PDE1C: variants seen among roughly 807,000 people sequenced by gnomAD.
PDE1C encodes dual specificity calcium/calmodulin-dependent 3',5'-cyclic nucleotide phosphodiesterase 1C.
Under a neutral mutation model 93.1 loss-of-function variants are expected in PDE1C, and 62 were observed. The observed-to-expected ratio is 0.67, with a 90% CI of 0.54 to 0.82. The LOEUF (loss-of-function observed/expected upper bound fraction) is 0.82, where lower values mean the gene tolerates loss of function less well. PDE1C is among the 40% of genes least tolerant of loss of function. The probability of loss-of-function intolerance (pLI) is 0.00; values close to 1 mark genes in which losing one functional copy is unlikely to be tolerated. For missense variants in PDE1C, 742 were observed against 884.6 expected (o/e 0.84, Z 2.04); for synonymous variants, 325 against 310.1 (o/e 1.05, Z -0.50).
At chr7:32,391,006 A>G (rs1261777958) in intron 1 of PDE1C, among the ~76,000 whole-genome samples, 1 of 152,194 alleles carries the variant, frequency 6.6e-6, no homozygotes, top group Non-Finnish European at 1.5e-5. Flanking sequence ...GAAAACAAAT[A>G]GCAAAAATGG....
intron 2 of PDE1C, among the ~76,000 whole-genome samples, chr7:31,961,135 A>G (rs908884332): frequency 6.6e-6 from 1 of 152,168 alleles, no homozygotes; most frequent in Non-Finnish European, 1.5e-5. Flanking sequence ...GCTACAATTA[A>G]TCTAGCTTAG....
At chr7:32,141,894 A>G (rs1800555225) in intron 3 of PDE1C, among the ~76,000 whole-genome samples, 1 of 152,204 alleles carries the variant, frequency 6.6e-6, no homozygotes, top group African/African-American at 2.4e-5. Flanking sequence ...TTGTCTTTGC[A>G]ACTTCTCTGG....
At chr7:31,713,365 G>T in the PDE1C span, among the ~76,000 whole-genome samples, 1 of 152,244 alleles carries the variant, frequency 6.6e-6, no homozygotes, top group Admixed American at 6.5e-5. Context: ...TGCAAGAGGT[G>T]GGCTCCCATG....
At chr7:32,344,827 C>T (rs1456597089) in intron 1 of PDE1C, among the ~76,000 whole-genome samples, 1 of 152,124 alleles carries the variant, frequency 6.6e-6, no homozygotes, top group Non-Finnish European at 1.5e-5. Flanking sequence ...ATTGATGCAT[C>T]CACAAGGCCT....
At chr7:32,070,842 G>A (rs1466516753), upstream of PDE1C, 1 of 986,740 alleles carries the variant, frequency 1.0e-6, no homozygotes, top group Non-Finnish European at 1.2e-6. Flanking sequence ...GAAAAGCGGC[G>A]GCTGAGCAAA....
chr7:31,864,833 A>G, intron 7 of PDE1C, 109 bp downstream of exon 7: 2 of 1,042,444 alleles, frequency 1.9e-6, no homozygotes, highest in African/African-American at 3.2e-5. Context: ...GGAAGTCCAT[A>G]AAACAATGCA....
the PDE1C span, among the ~76,000 whole-genome samples, chr7:31,631,280 A>G: frequency 6.6e-6 from 1 of 152,242 alleles, no homozygotes; most frequent in East Asian, 1.9e-4. Context: ...TCACAAACAC[A>G]TATGCGTGCG....
At position 32,100,595 on chromosome 7, in the gene PDE1C, C is replaced by T. The variant is rs370371616; in HGVS notation, c.308+69190G>A. ...AACATTGATCAGCCTTCCCCTTTAA[C>T]TTAGACTGACTCATTCATAACCCAC... On this transcript the variant is annotated intron_variant, in intron 3 of 18. Transcript: ENST00000396193. Among the ~76,000 whole-genome samples the T allele has an allele frequency of 9.8e-4, 149 of 152,338 alleles. 1 individual carries two copies. The highest frequency in any genetic ancestry group is 3.5e-3 in the African/African-American group (145 of 41,582).
At chr7:32,247,063 CAGA>C (rs1321187585) in intron 1 of PDE1C, among the ~76,000 whole-genome samples, 3 of 152,126 alleles carry the variant, frequency 2.0e-5, no homozygotes, top group African/African-American at 7.2e-5. Flanking sequence ...TGTGGAAATC[CAGA>C]AGGAGTGAAT....
intron 3 of PDE1C, among the ~76,000 whole-genome samples, chr7:32,092,878 C>G (rs532054186): frequency 3.3e-5 from 5 of 151,842 alleles, no homozygotes; most frequent in African/African-American, 1.2e-4. Context: ...AGCATTATTA[C>G]TTTTTTTTTC....
intron 2 of PDE1C, among the ~76,000 whole-genome samples, chr7:32,009,975 T>C (rs1193433226): frequency 6.6e-6 from 1 of 152,214 alleles, no homozygotes; most frequent in Non-Finnish European, 1.5e-5. Flanking sequence ...AACAAGAGAT[T>C]GTCAAGACCT....
chr7:32,015,988 A>C (rs1340363298), intron 2 of PDE1C, among the ~76,000 whole-genome samples: 3 of 152,158 alleles, frequency 2.0e-5, no homozygotes, highest in Non-Finnish European at 2.9e-5. Context: ...GGCTTTCCAT[A>C]AGACACCCAT....
intron 2 of PDE1C, among the ~76,000 whole-genome samples, chr7:31,943,917 A>G (rs1442823851): frequency 6.6e-6 from 1 of 152,194 alleles, no homozygotes; most frequent in East Asian, 1.9e-4. Flanking sequence ...AAAATAAAGA[A>G]TCTCATCAGG....
At chr7:32,364,075 ACACTCACTGCAGCCACC>A (rs1784185917) in intron 1 of PDE1C, among the ~76,000 whole-genome samples, 1 of 152,190 alleles carries the variant, frequency 6.6e-6, no homozygotes, top group Non-Finnish European at 1.5e-5. Flanking sequence ...TCTCAAATCT[ACACTCACTGCAGCCACC>A]CACTATTATG....
At chr7:31,794,083 GAC>G (rs1784967901) in intron 16 of PDE1C, among the ~76,000 whole-genome samples, 2 of 148,962 alleles carry the variant, frequency 1.3e-5, no homozygotes, top group Non-Finnish European at 3.0e-5. Flanking sequence ...CAGACAGACA[GAC>G]AGACAGATAG....
At chr7:31,917,569 C>A (rs1802082607) in intron 2 of PDE1C, among the ~76,000 whole-genome samples, 1 of 151,978 alleles carries the variant, frequency 6.6e-6, no homozygotes, top group Non-Finnish European at 1.5e-5. Context: ...TCTTAAGATT[C>A]ACTTTGGATA....
chr7:32,419,911 TCA>T (rs1310342089), intron 1 of PDE1C, among the ~76,000 whole-genome samples: 1 of 150,594 alleles, frequency 6.6e-6, no homozygotes, highest in Non-Finnish European at 1.5e-5. Context: ...ACTCTGAACC[TCA>T]GTTTCTTTAT....
intron 17 of PDE1C, among the ~76,000 whole-genome samples, chr7:31,761,234 GAGTA>G (rs1046411128): frequency 4.6e-5 from 7 of 152,064 alleles, no homozygotes; most frequent in Non-Finnish European, 7.4e-5. Context: ...CCAAAATGCA[GAGTA>G]AGTTATAATA....
intron 3 of PDE1C, among the ~76,000 whole-genome samples, chr7:32,099,299 T>C (rs1209039534): frequency 6.6e-6 from 1 of 152,070 alleles, no homozygotes; most frequent in Admixed American, 6.5e-5. Context: ...CCTACAGGAG[T>C]AAATGTTATC....
Sources: allele counts gnomAD v4.1 joint callset (sites outside exome capture counted in the v4.1 genomes callset), GRCh38; gene constraint gnomAD v4.1.1; transcripts MANE v1.5; gene names NCBI Gene and HGNC (gene_info 2026-07-23, HGNC 2026-07-21).